MSI2: variants seen among roughly 807,000 people sequenced by gnomAD.
The protein encoded by MSI2 is musashi RNA binding protein 2.
MSI2 carries 17 observed loss-of-function variants against 45.6 expected under a neutral mutation model. That is an observed-to-expected ratio of 0.37 (90% CI 0.26 to 0.56). The LOEUF (loss-of-function observed/expected upper bound fraction) is 0.56, where lower values mean the gene tolerates loss of function less well. Among genes scored for constraint, MSI2 ranks in the 20% least tolerant of loss-of-function variants. The pLI is 0.77. For missense variants in MSI2, 293 were observed against 444.2 expected (o/e 0.66, Z 3.06); for synonymous variants, 156 against 158.2 (o/e 0.99, Z 0.11).
the MSI2 span, among the ~76,000 whole-genome samples, chr17:57,696,563 T>C: frequency 6.6e-6 from 1 of 151,988 alleles, no homozygotes; most frequent in Admixed American, 6.6e-5. Flanking sequence ...GCAAGACCCC[T>C]ATCTCTACAA....
At chr17:57,452,565 A>G (rs2143559862) in intron 6 of MSI2, among the ~76,000 whole-genome samples, 1 of 152,374 alleles carries the variant, frequency 6.6e-6, no homozygotes, top group East Asian at 1.9e-4. Context: ...TCTGTACATT[A>G]GGATCATTAA....
In MSI2 at chr17:57,529,744, A is replaced by G; in HGVS notation, c.454+20A>G. ...ACAGAGGTAAGATTACCCCAGTGTAAGAGGGTTGCGTTCACCCTCTCCTGG... is the reference window on the plus strand; with the variant it reads ...ACAGAGGTAAGATTACCCCAGTGTAGGAGGGTTGCGTTCACCCTCTCCTGG... On this transcript the variant is annotated intron_variant, in intron 7 of 13. Transcript: ENST00000284073. This position sits in a 1 kb window ranked among gnomAD's most constrained non-coding sequence, Gnocchi z 5.3. 6.2e-7 allele frequency: 1 copy of G among 1,608,318 alleles called. No homozygotes were observed. Among genetic ancestry groups the G allele is most frequent in the South Asian group, 1.1e-5 (1 of 90,216 alleles).
At chr17:57,504,583 C>A (rs2086186483) in intron 6 of MSI2, among the ~76,000 whole-genome samples, 1 of 152,122 alleles carries the variant, frequency 6.6e-6, no homozygotes, top group African/African-American at 2.4e-5. Flanking sequence ...AGGAAGGTGG[C>A]CATCTTGTGT....
In MSI2 at chr17:57,679,754, A is replaced by G. The variant is rs1913488618; in HGVS notation, c.*237A>G. On this transcript the variant is annotated 3_prime_UTR_variant, in exon 14 of 14. Coordinates refer to ENST00000284073, the MANE Select transcript of MSI2 (RefSeq NM_138962.4). The stretch of plus-strand genomic sequence containing the variant: ...CAGCTTTTAAATGTGTATATAACCC[A>G]TGATTTCGGTTTTGTTTTGTTTTGT... The G allele has an allele frequency of 2.9e-6, 1 of 343,368 alleles. No individual in the cohort carries two copies. The highest frequency in any genetic ancestry group is 2.1e-5 in the African/African-American group (1 of 47,298). 21.3% of individuals were successfully genotyped at this position (343,368 alleles called of 1,614,324 possible). A position where few individuals can be genotyped will look rare whatever the true frequency, so the allele number is the denominator to read the frequency against.
At chr17:57,577,103 G>A (rs139748622) in intron 7 of MSI2, among the ~76,000 whole-genome samples, 193 of 152,328 alleles carry the variant, frequency 1.3e-3, no homozygotes, top group African/African-American at 4.2e-3. Flanking sequence ...AAGGAGACTC[G>A]AATAAGGAGA....
chr17:57,261,778 T>C (rs973173798), intron 4 of MSI2, among the ~76,000 whole-genome samples: 1 of 152,228 alleles, frequency 6.6e-6, no homozygotes, highest in African/African-American at 2.4e-5. Context: ...TTCCCAATGA[T>C]AATGATGCTC....
intron 5 of MSI2, among the ~76,000 whole-genome samples, chr17:57,315,026 G>T (rs530245414): frequency 3.0e-4 from 45 of 152,314 alleles, no homozygotes; most frequent in Non-Finnish European, 5.6e-4. Flanking sequence ...TTGGTTGGGG[G>T]TGTGGATTGG....
At chr17:57,409,278 C>G (rs140163408) in intron 6 of MSI2, among the ~76,000 whole-genome samples, 2 of 152,140 alleles carry the variant, frequency 1.3e-5, no homozygotes, top group Non-Finnish European at 2.9e-5. Flanking sequence ...TTCTTCTCCT[C>G]CTCTTTCTTT....
intron 6 of MSI2, among the ~76,000 whole-genome samples, chr17:57,509,561 C>T (rs1422144241): frequency 6.6e-6 from 1 of 152,198 alleles, no homozygotes; most frequent in East Asian, 1.9e-4. Context: ...GCTGGGATTA[C>T]ACACATCTGC....
At chr17:57,461,554 G>C (rs2085229630) in intron 6 of MSI2, among the ~76,000 whole-genome samples, 1 of 139,394 alleles carries the variant, frequency 7.2e-6, no homozygotes, top group Non-Finnish European at 1.5e-5. Flanking sequence ...TTTTTTTTGA[G>C]ACATAGTCTC....
intron 5 of MSI2, among the ~76,000 whole-genome samples, chr17:57,306,745 A>G (rs185230522): frequency 4.7e-4 from 72 of 151,934 alleles, no homozygotes; most frequent in East Asian, 1.9e-3. Context: ...TTGTTTGTTT[A>G]TTTATTTATT....
chr17:57,597,048 G>T (rs1293162756), intron 8 of MSI2, 98 bp downstream of exon 8: 10 of 870,932 alleles, frequency 1.1e-5, no homozygotes, highest in Non-Finnish European at 1.7e-5. Flanking sequence ...GGCTGGAGTG[G>T]GCAGGGGTGG....
intron 8 of MSI2, 73 bp from the exon 9 acceptor site, chr17:57,615,897 C>A: frequency 8.4e-7 from 1 of 1,193,314 alleles, no homozygotes; most frequent in Non-Finnish European, 1.2e-6. Flanking sequence ...TAGCTCATAA[C>A]CAGACAGGTT....
rs143255786 is a variant in MSI2, at chr17:57,682,837, C to T, written c.*3320C>T. ...TCCAGATCCATCTGCCTGAGACCCCCGAACTCCTCTCCTCCCAAGCAGAGG... is the reference window on the plus strand; with the variant it reads ...TCCAGATCCATCTGCCTGAGACCCCTGAACTCCTCTCCTCCCAAGCAGAGG... On this transcript the variant is annotated 3_prime_UTR_variant, in exon 14 of 14. Transcript: ENST00000284073. 2.8e-3 allele frequency: 618 copies of T among 224,086 alleles called. 1 individual carries two copies. The highest frequency in any genetic ancestry group is 0.013 in the African/African-American group (577 of 44,848). The allele number at this position is 224,086 out of a possible 1,614,324, so 13.9% of individuals were successfully genotyped here. A position where few individuals can be genotyped will look rare whatever the true frequency, so the allele number is the denominator to read the frequency against.
At chr17:57,338,959 T>C (rs1020737225) in intron 5 of MSI2, among the ~76,000 whole-genome samples, 1 of 152,154 alleles carries the variant, frequency 6.6e-6, no homozygotes, top group African/African-American at 2.4e-5. Context: ...CCAGATCAAT[T>C]TGGCTTGTCA....
At chr17:57,333,761 C>T (rs1001362470) in intron 5 of MSI2, among the ~76,000 whole-genome samples, 4 of 149,394 alleles carry the variant, frequency 2.7e-5, no homozygotes, top group African/African-American at 1.0e-4. Flanking sequence ...ACCTTTTAAA[C>T]GTATTATTAT....
chr17:57,298,139 A>C (rs1911144095), intron 5 of MSI2, among the ~76,000 whole-genome samples: 1 of 151,816 alleles, frequency 6.6e-6, no homozygotes, highest in African/African-American at 2.4e-5. Context: ...CTATGTCCAG[A>C]TTTATCAGAG....
At chr17:57,328,540 C>G (rs1914006876) in intron 5 of MSI2, among the ~76,000 whole-genome samples, 2 of 152,326 alleles carry the variant, frequency 1.3e-5, no homozygotes, top group South Asian at 4.1e-4. Context: ...GACCCCACTA[C>G]AGAAAACATG....
At chr17:57,593,054 C>G (rs1222132923) in intron 7 of MSI2, among the ~76,000 whole-genome samples, 1 of 152,166 alleles carries the variant, frequency 6.6e-6, no homozygotes, top group African/African-American at 2.4e-5. Context: ...TTAAACTAGG[C>G]TGTCCTCTGG....
Sources: allele counts gnomAD v4.1 joint callset (sites outside exome capture counted in the v4.1 genomes callset), GRCh38; gene constraint gnomAD v4.1.1; non-coding constraint Gnocchi (gnomAD v3.1); transcripts MANE v1.5; gene names NCBI Gene and HGNC (gene_info 2026-07-23, HGNC 2026-07-21).